The following ACOXL variants were observed in gnomAD, a reference collection of about 807,000 sequenced individuals.
The protein encoded by ACOXL is acyl-CoA oxidase like, also known as acyl-coenzyme A oxidase-like protein.
A neutral mutation model predicts 71.9 loss-of-function variants in ACOXL; 70 were observed. The observed-to-expected ratio is 0.97, with a 90% CI of 0.80 to 1.19. The LOEUF is 1.19. ACOXL is among the 50% of genes most tolerant of loss of function. The pLI, the probability that ACOXL is intolerant of heterozygous loss-of-function variation, is 0.00. For missense variants in ACOXL, 703 were observed against 736.3 expected (o/e 0.95, Z 0.52); for synonymous variants, 253 against 281.6 (o/e 0.90, Z 1.02).
intron 16 of ACOXL, among the ~76,000 whole-genome samples, chr2:111,071,768 T>A (rs1290791364): frequency 6.6e-6 from 1 of 152,224 alleles, no homozygotes; most frequent in African/African-American, 2.4e-5. Context: ...TCATAAATTG[T>A]AGGCAAACTC....
At chr2:110,817,233 C>T (rs570745353) in intron 9 of ACOXL, among the ~76,000 whole-genome samples, 17 of 152,318 alleles carry the variant, frequency 1.1e-4, no homozygotes, top group African/African-American at 4.1e-4. Flanking sequence ...TGTGTGTGTT[C>T]TCATTCAGTG....
chr2:110,869,192 A>C (rs560824816), intron 10 of ACOXL, among the ~76,000 whole-genome samples: 1 of 152,224 alleles, frequency 6.6e-6, no homozygotes, highest in East Asian at 1.9e-4. Context: ...CTTCTCCCCT[A>C]TTTGTGCTCT....
chr2:110,967,884 A>T, intron 12 of ACOXL: 1 of 1,252,766 alleles, frequency 8.0e-7, no homozygotes, highest in Non-Finnish European at 1.1e-6. Context: ...AGAGATACCA[A>T]GTGAAATTTA....
intron 16 of ACOXL, among the ~76,000 whole-genome samples, chr2:111,053,087 G>A (rs895603060): frequency 6.6e-6 from 1 of 152,092 alleles, no homozygotes; most frequent in Non-Finnish European, 1.5e-5. Flanking sequence ...TTAGCCTAAC[G>A]TCCTCTTCCA....
chr2:110,976,005 G>C (rs1229135415), intron 12 of ACOXL, among the ~76,000 whole-genome samples: 1 of 152,132 alleles, frequency 6.6e-6, no homozygotes, highest in Non-Finnish European at 1.5e-5. Flanking sequence ...AGTCAAATGA[G>C]AGAAATAGAA....
chr2:110,905,759 A>G (rs1372409391), intron 10 of ACOXL, among the ~76,000 whole-genome samples: 4 of 152,182 alleles, frequency 2.6e-5, no homozygotes, highest in Non-Finnish European at 4.4e-5. Context: ...TTATGGGAAT[A>G]GAGTCCGGAG....
chr2:111,102,934 A>G (rs964211852), intron 17 of ACOXL, among the ~76,000 whole-genome samples: 5 of 152,008 alleles, frequency 3.3e-5, no homozygotes, highest in Non-Finnish European at 7.4e-5. Context: ...GGCCTGTTCC[A>G]TTTCACTTCT....
intron 17 of ACOXL, chr2:111,101,177 C>T (rs1368195105): frequency 6.6e-6 from 1 of 152,594 alleles, no homozygotes; most frequent in African/African-American, 2.4e-5. Context: ...CACTCGTTTA[C>T]TATTTTAATC....
At chr2:111,063,119 C>T (rs2066899105) in intron 16 of ACOXL, among the ~76,000 whole-genome samples, 1 of 152,132 alleles carries the variant, frequency 6.6e-6, no homozygotes, top group Admixed American at 6.5e-5. Context: ...AACCTTATAA[C>T]TATTGAGTAA....
intron 16 of ACOXL, among the ~76,000 whole-genome samples, chr2:111,063,365 A>G (rs2066909974): frequency 6.6e-6 from 1 of 152,226 alleles, no homozygotes; most frequent in Non-Finnish European, 1.5e-5. Flanking sequence ...ATAGACATAA[A>G]AAATCCCTAA....
chr2:110,920,511 T>A (rs2060025629), intron 11 of ACOXL, among the ~76,000 whole-genome samples: 1 of 152,188 alleles, frequency 6.6e-6, no homozygotes, highest in Non-Finnish European at 1.5e-5. Flanking sequence ...AAATGTTTTC[T>A]CCAAGTTTGT....
rs768905536 is a variant in ACOXL, at chr2:111,117,805, G to A, written c.1732G>A (p.Ala578Thr). ...EARSRRPKLG[A>T]KL is the part of the protein sequence containing the mutation. The stretch of plus-strand genomic sequence containing the variant: ...GCGCTCCCGGCGGCCCAAGCTGGGA[G>A]CCAAGCTCTAACGGGTGTGGCGGGA... The change falls in exon 18 of 18, where the codon GCC (alanine) becomes ACC (threonine). Residue 578 changes from alanine to threonine, a missense_variant. Ala to Thr is a moderately conservative substitution (Grantham distance 58). Transcript: ENST00000439055. 6 of 1,547,308 alleles carry A rather than the reference G, an allele frequency of 3.9e-6. No homozygotes were observed. The highest frequency in any genetic ancestry group is 1.8e-4 in the Middle Eastern group (1 of 5,650).
At chr2:111,081,239 T>C (rs1249211282) in intron 16 of ACOXL, among the ~76,000 whole-genome samples, 1 of 152,198 alleles carries the variant, frequency 6.6e-6, no homozygotes, top group African/African-American at 2.4e-5. Flanking sequence ...TTCTCTCTGT[T>C]TGCAGATGAC....
At chr2:110,868,510 A>G (rs1286266987) in intron 10 of ACOXL, among the ~76,000 whole-genome samples, 1 of 152,238 alleles carries the variant, frequency 6.6e-6, no homozygotes, top group Non-Finnish European at 1.5e-5. Flanking sequence ...GATCACAACC[A>G]GCTGGCCTGG....
At position 110,747,576 on chromosome 2, in the gene ACOXL, A is replaced by G. The variant is rs148030254; in HGVS notation, c.-23+14802A>G. 5.2e-3 allele frequency among the ~76,000 whole-genome samples: 799 copies of G among 152,212 alleles called. 6 individuals carry two copies. Among genetic ancestry groups the G allele is most frequent in the Non-Finnish European group, 7.5e-3 (511 of 68,002 alleles). ...GTCCTCGTTTCAAGCAACAAATTTCATTTCTAAGCTGATCACTTTCCTGGA... is the reference window on the plus strand; with the variant it reads ...GTCCTCGTTTCAAGCAACAAATTTCGTTTCTAAGCTGATCACTTTCCTGGA... On this transcript the variant is annotated intron_variant, in intron 1 of 17. Transcript: ENST00000439055.
At chr2:110,926,919 C>T (rs1574151870) in intron 11 of ACOXL, among the ~76,000 whole-genome samples, 1 of 152,192 alleles carries the variant, frequency 6.6e-6, no homozygotes, top group South Asian at 2.1e-4. Flanking sequence ...CTGCCTCCCT[C>T]CTGGGGCCTT....
In ACOXL at chr2:110,911,223, A is replaced by G. The variant is rs193065435; in HGVS notation, c.905+2318A>G. On this transcript the variant is annotated intron_variant, in intron 11 of 17. Transcript: ENST00000439055. ...ATAAACCAATCACAGGATATTAGGT[A>G]AATAATTTTAAAACTTCCCACAATG... is the stretch of plus-strand genomic sequence containing the variant. Among the ~76,000 whole-genome samples, 94 of 152,232 alleles carry G rather than the reference A, an allele frequency of 6.2e-4. No individual in the cohort carries two copies. In the Middle Eastern group the frequency reaches 0.02, roughly 33 times the overall value.
Position 111,105,138 on chromosome 2 carries a change from T to A in ACOXL, c.1542+12172T>A, listed in dbSNP as rs1369171941. Reference sequence around the variant, plus strand: ...TTGCCTTAACACCTTTAAAAATTAGTTGGTCGTATTTGTATGGTTCTATTT... The same window carrying A: ...TTGCCTTAACACCTTTAAAAATTAGATGGTCGTATTTGTATGGTTCTATTT... On this transcript the variant is annotated intron_variant, in intron 17 of 17. Coordinates refer to ENST00000439055, the MANE Select transcript of ACOXL (RefSeq NM_001142807.4). 5.3e-5 allele frequency among the ~76,000 whole-genome samples: 8 copies of A among 152,090 alleles called. No individual in the cohort carries two copies. The East Asian group carries it at 1.5e-3, about 29-fold the overall frequency.
chr2:110,821,948 T>C lies in ACOXL; in HGVS notation c.753+16553T>C, dbSNP rs1040774067. ...TCTTCTATCATTGTGTGTGTGTGTG[T>C]GCATGTGAGTGTGTGTGTGAGTGTG... is the stretch of plus-strand genomic sequence containing the variant. On this transcript the variant is annotated intron_variant, in intron 9 of 17. Coordinates refer to ENST00000439055, the MANE Select transcript of ACOXL (RefSeq NM_001142807.4). Among the ~76,000 whole-genome samples the C allele has an allele frequency of 5.3e-5, 8 of 152,048 alleles. No individual in the cohort carries two copies. The South Asian group carries it at 8.3e-4, about 16-fold the overall frequency.
Sources: allele counts gnomAD v4.1 joint callset (sites outside exome capture counted in the v4.1 genomes callset), GRCh38; gene constraint gnomAD v4.1.1; transcripts MANE v1.5; gene names NCBI Gene and HGNC (gene_info 2026-07-23, HGNC 2026-07-21).